SNX10: variants seen among roughly 807,000 people sequenced by gnomAD.
SNX10 encodes the protein sorting nexin 10.
A neutral mutation model predicts 28.5 loss-of-function variants in SNX10; 25 were observed. The observed-to-expected ratio is 0.88, with a 90% CI of 0.64 to 1.22. SNX10 has a LOEUF of 1.22. SNX10 is among the 50% of genes most tolerant of loss of function. The pLI is 0.00. For missense variants in SNX10, 223 were observed against 242.6 expected (o/e 0.92, Z 0.54); for synonymous variants, 62 against 81.4 (o/e 0.76, Z 1.28).
At chr7:26,295,743 C>A (rs1786082422) in intron 1 of SNX10, among the ~76,000 whole-genome samples, 1 of 152,214 alleles carries the variant, frequency 6.6e-6, no homozygotes, top group South Asian at 2.1e-4. Context: ...CTGGAAGTGC[C>A]TGTCAAAATA....
At chr7:26,369,977 T>C (rs951005186) in intron 5 of SNX10, among the ~76,000 whole-genome samples, 1 of 152,208 alleles carries the variant, frequency 6.6e-6, no homozygotes, top group Non-Finnish European at 1.5e-5. Flanking sequence ...TTGTGTCCAA[T>C]ATCATTGGCA....
At chr7:26,339,543 C>T (rs13244121) in intron 1 of SNX10, among the ~76,000 whole-genome samples, 22,749 of 114,606 alleles carry the variant, frequency 0.2, 2,705 homozygotes, top group East Asian at 0.4. Flanking sequence ...TTTTTTTTTT[C>T]TTTTTTTTTT....
chr7:26,300,674 T>C (rs1445553269), intron 1 of SNX10, among the ~76,000 whole-genome samples: 1 of 152,078 alleles, frequency 6.6e-6, no homozygotes, highest in East Asian at 1.9e-4. Context: ...AGCAAGAGTA[T>C]TGCTTAATTC....
chr7:26,305,365 AACAC>A (rs1786544344), intron 1 of SNX10, among the ~76,000 whole-genome samples: 1 of 152,182 alleles, frequency 6.6e-6, no homozygotes, highest in African/African-American at 2.4e-5. Flanking sequence ...TATAAATACA[AACAC>A]ACACAAAAGA....
intron 1 of SNX10, among the ~76,000 whole-genome samples, chr7:26,292,468 A>T (rs1007722612): frequency 1.3e-5 from 2 of 151,958 alleles, no homozygotes; most frequent in Admixed American, 6.6e-5. Context: ...TTATTTATTT[A>T]TTTTTTTATT....
chr7:26,315,308 AT>A (rs764474587), intron 1 of SNX10, among the ~76,000 whole-genome samples: 1 of 152,220 alleles, frequency 6.6e-6, no homozygotes, highest in Non-Finnish European at 1.5e-5. Context: ...TATACAGTAC[AT>A]TATCTAATAA....
At chr7:26,308,047 C>G (rs1786665169) in intron 1 of SNX10, among the ~76,000 whole-genome samples, 2 of 152,160 alleles carry the variant, frequency 1.3e-5, no homozygotes, top group Admixed American at 1.3e-4. Context: ...CAGGGACTTC[C>G]CAATCCTAAA....
intron 6 of SNX10, 163 bp downstream of exon 6, chr7:26,372,196 C>T: frequency 3.3e-6 from 2 of 611,520 alleles, no homozygotes; most frequent in South Asian, 2.1e-5. Flanking sequence ...TGTGACAGCT[C>T]ATCATAGTAG....
At chr7:26,367,258 T>C (rs17153525) in intron 5 of SNX10, among the ~76,000 whole-genome samples, 2 of 152,054 alleles carry the variant, frequency 1.3e-5, no homozygotes, top group African/African-American at 4.8e-5. Context: ...GCCACGGACA[T>C]AGGACTGCAC....
intron 1 of SNX10, among the ~76,000 whole-genome samples, chr7:26,298,531 G>GT (rs1271402119): frequency 1.3e-5 from 2 of 152,178 alleles, no homozygotes; most frequent in Non-Finnish European, 2.9e-5. Context: ...CACGTTAGCA[G>GT]TATTTATAAC....
intron 2 of SNX10, chr7:26,356,919 T>G (rs1004933102): frequency 4.2e-6 from 1 of 236,438 alleles, no homozygotes; most frequent in Non-Finnish European, 8.0e-6. Context: ...CATTAATTCA[T>G]GGAGCCCAAG....
intron 1 of SNX10, among the ~76,000 whole-genome samples, chr7:26,341,126 C>T (rs529757562): frequency 2.2e-3 from 338 of 151,998 alleles, no homozygotes; most frequent in African/African-American, 7.8e-3. Context: ...AGGGATATAC[C>T]ATCTCTACAA....
intron 1 of SNX10, among the ~76,000 whole-genome samples, chr7:26,305,996 A>C (rs1786575411): frequency 6.6e-6 from 1 of 152,012 alleles, no homozygotes; most frequent in Admixed American, 6.6e-5. Context: ...CCAGGGTTAA[A>C]CGATTCTCGT....
chr7:26,329,093 A>G (rs1474486154), intron 1 of SNX10, among the ~76,000 whole-genome samples: 1 of 152,128 alleles, frequency 6.6e-6, no homozygotes, highest in Non-Finnish European at 1.5e-5. Context: ...ATCCTGTTAA[A>G]ACATAAGTCA....
At chr7:26,340,072 G>A (rs995056800) in intron 1 of SNX10, among the ~76,000 whole-genome samples, 12 of 151,760 alleles carry the variant, frequency 7.9e-5, no homozygotes, top group Non-Finnish European at 1.6e-4. Context: ...AAAAATATGT[G>A]ATCCTTTCTC....
chr7:26,319,744 C>T (rs963595555), intron 1 of SNX10, among the ~76,000 whole-genome samples: 5 of 152,084 alleles, frequency 3.3e-5, no homozygotes, highest in African/African-American at 1.2e-4. Flanking sequence ...TTGATTTTGA[C>T]TGATGATAAC....
Position 26,372,541 on chromosome 7 carries a change from G to A in SNX10, c.575G>A (p.Cys192Tyr). 6.2e-7 allele frequency: 1 copy of A among 1,609,042 alleles called. No individual in the cohort carries two copies. The highest frequency in any genetic ancestry group is 1.3e-5 in the African/African-American group (1 of 74,912). The change falls in exon 7 of 7, where the codon TGT (cysteine) becomes TAT (tyrosine). Residue 192 changes from cysteine to tyrosine, a missense_variant. Coordinates refer to ENST00000338523, the MANE Select transcript of SNX10 (RefSeq NM_013322.3). ...AGTGATGACAGCAGTTCACATGGAT[G>A]TAAAGTAAATACAGCTCCGCAGGAA... ...HSSDDSSSHG[C>Y]KVNTAPQES
At chr7:26,349,810 G>A (rs1788528642) in intron 2 of SNX10, among the ~76,000 whole-genome samples, 1 of 152,226 alleles carries the variant, frequency 6.6e-6, no homozygotes, top group South Asian at 2.1e-4. Context: ...TCCAGAGTGA[G>A]CTGTTTGATT....
intron 1 of SNX10, among the ~76,000 whole-genome samples, chr7:26,336,859 T>C (rs549024973): frequency 1.8e-4 from 28 of 152,220 alleles, no homozygotes; most frequent in Non-Finnish European, 3.5e-4. Flanking sequence ...TAGGTTTCCA[T>C]TTTCTTTGAT....
Sources: allele counts gnomAD v4.1 joint callset (sites outside exome capture counted in the v4.1 genomes callset), GRCh38; gene constraint gnomAD v4.1.1; transcripts MANE v1.5; gene names NCBI Gene and HGNC (gene_info 2026-07-23, HGNC 2026-07-21).